The following EEF1B2 variants were observed in gnomAD, a reference collection of about 807,000 sequenced individuals.
EEF1B2 encodes elongation factor 1-beta.
Under a neutral mutation model 28.3 loss-of-function variants are expected in EEF1B2, and 12 were observed. The observed-to-expected ratio is 0.42, with a 90% CI of 0.27 to 0.69. The LOEUF (loss-of-function observed/expected upper bound fraction) is 0.69. EEF1B2 is among the 30% of genes least tolerant of loss of function. EEF1B2 has a pLI of 0.22. For missense variants in EEF1B2, 234 were observed against 272.6 expected, an observed-to-expected ratio of 0.86 and a Z score of 1.00; for synonymous variants, 83 against 99.9, an observed-to-expected ratio of 0.83 and a Z score of 1.01.
At position 206,160,583 on chromosome 2, in the gene EEF1B2, G is replaced by C. The variant is rs1287235004; in HGVS notation, c.81-5G>C. 6.2e-7 allele frequency: 1 copy of C among 1,613,386 alleles called. No homozygotes were observed. On this transcript the variant is annotated splice_region_variant and splice_polypyrimidine_tract_variant and intron_variant, in intron 1 of 5. Transcript: ENST00000392222. ...TGTGTGTGAATGTTTCTGTGTCCTT[G>C]GCAGGTATGTGCCATCACAAGCAGA...
chr2:206,162,206 AT>A, intron 4 of EEF1B2, 102 bp downstream of exon 4: 1 of 1,263,330 alleles, frequency 7.9e-7, no homozygotes, highest in Non-Finnish European at 1.2e-6. Flanking sequence ...ATAGGTCAAT[AT>A]TTTAAAACCT....
upstream of EEF1B2, chr2:206,159,640 C>T (rs1687836751): frequency 1.3e-5 from 3 of 236,588 alleles, 1 homozygote; most frequent in Non-Finnish European, 2.5e-5. Context: ...CGGTCATCTC[C>T]GGCGCTTCTA....
intron 2 of EEF1B2, 117 bp downstream of exon 2, chr2:206,160,827 A>C (rs1339905474): frequency 6.6e-7 from 1 of 1,520,836 alleles, no homozygotes; most frequent in Non-Finnish European, 9.1e-7. Context: ...TTGTAAGCTA[A>C]ATTTTTCTGT....
At chr2:206,159,679 G>A (rs530182392), upstream of EEF1B2, 7 of 272,902 alleles carry the variant, frequency 2.6e-5, no homozygotes, top group East Asian at 2.9e-4. Flanking sequence ...TTCGGGAGCC[G>A]TGGAGGTACG....
rs199828966 is a variant in EEF1B2 at position 206,162,634 on chromosome 2, T to C, written c.523+20T>C. On this transcript the variant is annotated intron_variant, in intron 5 of 5. Transcript: ENST00000392222. ...GCTCATGTGAGTTTAGGCTTTGCCT[T>C]TTTTTTTTTGAAACTAACATCTGGA... is the stretch of plus-strand genomic sequence containing the variant. 3.3e-6 allele frequency: 5 copies of C among 1,501,342 alleles called. No individual in the cohort carries two copies. Among genetic ancestry groups the C allele is most frequent in the Non-Finnish European group, 9.1e-7 (1 of 1,097,354 alleles). 93.0% of individuals were successfully genotyped at this position (1,501,342 alleles called of 1,614,324 possible).
Position 206,162,512 on chromosome 2 carries a change from TC to T in EEF1B2, c.423del (p.Ile142SerfsTer3), listed in dbSNP as rs1687963400. 6.2e-7 allele frequency: 1 copy of T among 1,613,066 alleles called. No individual in the cohort carries two copies. The highest frequency in any genetic ancestry group is 1.7e-5 in the Admixed American group (1 of 59,924). On this transcript the variant is annotated frameshift_variant, in exon 5 of 6. Transcript: ENST00000392222. LOFTEE classifies it high-confidence loss of function. ...AKKPALVAKS[S>X]ILLDVKPWDD... Reference sequence around the variant, plus strand: ...AGAACCTGCACTTGTTGCCAAGTCTTCCATCTTACTAGATGTGAAACCTTGG... The same window carrying T: ...AGAACCTGCACTTGTTGCCAAGTCTTCATCTTACTAGATGTGAAACCTTGG...
In EEF1B2 at chr2:206,160,618, A is replaced by G. The variant is rs775176313; in HGVS notation, c.111A>G (p.Val37=). The change falls in exon 2 of 6, where the codon GTA becomes GTG. Residue 37 remains valine (V), a synonymous_variant. Coordinates refer to ENST00000392222, the MANE Select transcript of EEF1B2 (RefSeq NM_001959.4). ...TGCCATCACAAGCAGATGTGGCAGTATTTGAAGCCGTGTCCAGCCCACCGC... is the reference window on the plus strand; with the variant it reads ...TGCCATCACAAGCAGATGTGGCAGTGTTTGAAGCCGTGTCCAGCCCACCGC... ...GYVPSQADVA[V]FEAVSSPPPA... 11 of 1,613,902 alleles carry G rather than the reference A, an allele frequency of 6.8e-6. No homozygotes were observed. The highest frequency in any genetic ancestry group is 3.3e-5 in the South Asian group (3 of 91,084).
At chr2:206,160,823 G>A in intron 2 of EEF1B2, 113 bp downstream of exon 2, 2 of 1,549,860 alleles carry the variant, frequency 1.3e-6, no homozygotes, top group South Asian at 1.1e-5. Flanking sequence ...GATATTGTAA[G>A]CTAAATTTTT....
rs761741628 is a variant in EEF1B2, at chr2:206,160,630, G to C, written c.123G>C (p.Val41=). The change falls in exon 2 of 6, where the codon GTG becomes GTC. Residue 41 remains valine (V), a synonymous_variant. Coordinates refer to ENST00000392222, the MANE Select transcript of EEF1B2 (RefSeq NM_001959.4). ...CAGATGTGGCAGTATTTGAAGCCGTGTCCAGCCCACCGCCTGCCGACTTGT... is the reference window on the plus strand; with the variant it reads ...CAGATGTGGCAGTATTTGAAGCCGTCTCCAGCCCACCGCCTGCCGACTTGT... ...SQADVAVFEA[V]SSPPPADLCH... The C allele has an allele frequency of 1.2e-6, 2 of 1,614,042 alleles. No individual in the cohort carries two copies. The highest frequency in any genetic ancestry group is 1.7e-6 in the Non-Finnish European group (2 of 1,180,024).
chr2:206,162,703 A>G, intron 5 of EEF1B2, 26 bp from the exon 6 acceptor site: 1 of 1,612,352 alleles, frequency 6.2e-7, no homozygotes, highest in Non-Finnish European at 8.5e-7. Context: ...TTTTCTAACT[A>G]GGATTTTTCT....
At position 206,160,574 on chromosome 2, in the gene EEF1B2, T is replaced by C; in HGVS notation, c.81-14T>C. On this transcript the variant is annotated splice_polypyrimidine_tract_variant and intron_variant, in intron 1 of 5. Coordinates refer to ENST00000392222, the MANE Select transcript of EEF1B2 (RefSeq NM_001959.4). ...TTTCAAAGGTGTGTGTGAATGTTTC[T>C]GTGTCCTTGGCAGGTATGTGCCATC... 2 of 1,614,074 alleles carry C rather than the reference T, an allele frequency of 1.2e-6. No individual in the cohort carries two copies. Among genetic ancestry groups the C allele is most frequent in the Non-Finnish European group, 1.7e-6 (2 of 1,179,990 alleles).
rs1216590835 is a variant in EEF1B2, at chr2:206,160,699, G to T, written c.192G>T (p.Lys64Asn). Residue 64 changes from lysine to asparagine, a missense_variant, in exon 2 of 6, where the codon AAG (lysine) becomes AAT (asparagine). Physicochemically the swap from Lys to Asn is moderately conservative, Grantham distance 94 (BLOSUM62 0). This residue lies in a region of EEF1B2 where 178 missense variants were observed against 173.3 expected (regional missense o/e 1.03). Transcript: ENST00000392222. ...ATAATCACATCAAGTCTTACGAAAA[G>T]GAAAAGGCCAGGTAAAATCATCTTT... The part of the protein sequence containing the change: ...RWYNHIKSYE[K>N]EKASLPGVKK... 6.2e-7 allele frequency: 1 copy of T among 1,614,010 alleles called. No individual in the cohort carries two copies. The highest frequency in any genetic ancestry group is 8.5e-7 in the Non-Finnish European group (1 of 1,180,032).
In EEF1B2 at chr2:206,162,604, CTG is replaced by C. The variant is rs1687966656; in HGVS notation, c.514_515del (p.Trp172GlyfsTer4). On this transcript the variant is annotated frameshift_variant, in exon 5 of 6. Transcript: ENST00000392222. LOFTEE classifies it high-confidence loss of function. ...GAAGCATTCAAGCAGACGGCTTAGT[CTG>C]GGGCTCATGTGAGTTTAGGCTTTGC... The part of the protein sequence containing the change: ...VRSIQADGLV[W>X]GSSKLVPVGY... 1 of 1,611,084 alleles carries C rather than the reference CTG, an allele frequency of 6.2e-7. No homozygotes were observed. The highest frequency in any genetic ancestry group is 8.5e-7 in the Non-Finnish European group (1 of 1,179,454).
chr2:206,161,144 AAAT>A, intron 2 of EEF1B2, 199 bp from the exon 3 acceptor site: 4 of 643,282 alleles, frequency 6.2e-6, no homozygotes, highest in Non-Finnish European at 7.9e-6. Context: ...TGAGTATTGA[AAAT>A]AATGTCTCAC....
intron 1 of EEF1B2, 73 bp downstream of exon 1, chr2:206,160,132 G>A: frequency 6.4e-7 from 1 of 1,554,640 alleles, no homozygotes. Context: ...GGCGCAGCGT[G>A]TCGGCTGCCG....
At chr2:206,160,856 G>A (rs758864766) in intron 2 of EEF1B2, 146 bp downstream of exon 2, 1 of 1,227,270 alleles carries the variant, frequency 8.1e-7, no homozygotes, top group East Asian at 2.5e-5. Flanking sequence ...AAGGCCAAGA[G>A]ACTGAAGCCC....
chr2:206,162,177 T>C (rs1216291353), intron 4 of EEF1B2, 73 bp downstream of exon 4: 2 of 1,447,410 alleles, frequency 1.4e-6, no homozygotes, highest in East Asian at 4.5e-5. Context: ...CTTGAAGTAA[T>C]TTCCTCCACA....
upstream of EEF1B2, chr2:206,159,859 C>T (rs1260018188): frequency 8.0e-6 from 9 of 1,131,558 alleles, no homozygotes; most frequent in African/African-American, 3.2e-5. Flanking sequence ...GAAACGCCTC[C>T]GTCTCTATAT....
At chr2:206,161,130 A>G (rs1687916644) in intron 2 of EEF1B2, 1 of 609,926 alleles carries the variant, frequency 1.6e-6, no homozygotes, top group Non-Finnish European at 2.8e-6. Context: ...AGAGTAAATC[A>G]TAGTGAGTAT....
Sources: gnomAD v4.1 joint callset for allele counts on GRCh38, gnomAD v4.1.1 for gene constraint, gnomAD v4.1.1 regional missense constraint, MANE v1.5 for transcripts, NCBI Gene and HGNC (gene_info 2026-07-23, HGNC 2026-07-21) for gene names.